ZNF469: variants seen among roughly 807,000 people sequenced by gnomAD.
The protein encoded by ZNF469 is zinc finger protein 469.
In ZNF469, 1 loss-of-function variant was observed where a neutral mutation model predicts 1.0. The ratio of observed to expected loss-of-function variants is 1.00; its 90% CI spans 0.35 to 4.73. ZNF469 has a LOEUF of 4.73. Ranked by LOEUF, ZNF469 falls within the 30% of genes most tolerant of loss-of-function variation. The pLI is 0.16. For missense variants in ZNF469, 6,100 were observed against 5,356.3 expected, an observed-to-expected ratio of 1.14 and a Z score of -4.33; for synonymous variants, 2,703 against 2,363.4, an observed-to-expected ratio of 1.14 and a Z score of -4.17.
chr16:88,410,736 AG>A (rs1905134982), intron 1 of ZNF469, among the ~76,000 whole-genome samples: 1 of 151,896 alleles, frequency 6.6e-6, no homozygotes, highest in Non-Finnish European at 1.5e-5. Context: ...TTGATGGTGC[AG>A]GTCACACAGT....
chr16:88,344,784 G>C, the ZNF469 span, among the ~76,000 whole-genome samples: 1 of 152,222 alleles, frequency 6.6e-6, no homozygotes, highest in Non-Finnish European at 1.5e-5. Flanking sequence ...CTATGGGTGT[G>C]TGCCCCGTGT....
Position 88,438,314 on chromosome 16 carries a change from G to A in ZNF469, c.10844G>A (p.Arg3615Lys), listed in dbSNP as rs990015550. Residue 3615 changes from arginine (R) to lysine (K), a missense_variant, in exon 3 of 3, where the codon AGG becomes AAG. Physicochemically the swap from Arg to Lys is conservative, Grantham distance 26. Transcript: ENST00000565624. Reference sequence around the variant, plus strand: ...AGAGGCCAAGATGCGGAGGGAAAGAGGGCTCCTCTCGTGTTCTCAGGGAAA... The same window carrying A: ...AGAGGCCAAGATGCGGAGGGAAAGAAGGCTCCTCTCGTGTTCTCAGGGAAA... ...GARGQDAEGK[R>K]APLVFSGKRR... is the part of the protein sequence containing the mutation. The A allele has an allele frequency of 1.3e-6, 2 of 1,549,928 alleles. No homozygotes were observed. Among genetic ancestry groups the A allele is most frequent in the Non-Finnish European group, 1.7e-6 (2 of 1,146,654 alleles).
chr16:88,336,024 GAC>G, the ZNF469 span, among the ~76,000 whole-genome samples: 1 of 151,754 alleles, frequency 6.6e-6, no homozygotes, highest in Admixed American at 6.6e-5. Context: ...CTTCATGTGA[GAC>G]AGTGATGCGC....
the ZNF469 span, among the ~76,000 whole-genome samples, chr16:88,245,869 C>T: frequency 0.028 from 4,214 of 149,832 alleles, no homozygotes; most frequent in African/African-American, 0.094. Context: ...GTGTGTGTCC[C>T]GGTGACAAAG....
chr16:88,333,880 T>TG, the ZNF469 span, among the ~76,000 whole-genome samples: 67 of 115,102 alleles, frequency 5.8e-4, no homozygotes, highest in South Asian at 2.1e-3. Context: ...GTGTGTGTGT[T>TG]TGTGTGTCTG....
At position 88,435,986 on chromosome 16, in the gene ZNF469, C is replaced by T. The variant is rs896205966; in HGVS notation, c.8516C>T (p.Pro2839Leu). 1.3e-6 allele frequency: 2 copies of T among 1,550,130 alleles called. No individual in the cohort carries two copies. The highest frequency in any genetic ancestry group is 2.7e-5 in the African/African-American group (2 of 73,192). ...GTCCAGGGGCCTGAAGGCCCCACTC[C>T]TGATGCCTCTGGCTCCAGTGCCAAG... ...GGVQGPEGPT[P>L]DASGSSAKDP... Residue 2839 changes from proline to leucine, a missense_variant, in exon 3 of 3, where the codon CCT becomes CTT. Coordinates refer to ENST00000565624, the MANE Select transcript of ZNF469 (RefSeq NM_001367624.2).
At chr16:88,358,113 T>A in the ZNF469 span, among the ~76,000 whole-genome samples, 1 of 152,170 alleles carries the variant, frequency 6.6e-6, no homozygotes, top group Non-Finnish European at 1.5e-5. Flanking sequence ...GTGGGCTGCT[T>A]GAGGTCCCAC....
the ZNF469 span, among the ~76,000 whole-genome samples, chr16:88,199,497 T>A: frequency 3.3e-5 from 5 of 152,104 alleles, no homozygotes; most frequent in Admixed American, 3.3e-4. Context: ...CTGAGGACTC[T>A]GCTCCCACCT....
the ZNF469 span, among the ~76,000 whole-genome samples, chr16:88,376,983 G>A: frequency 6.6e-6 from 1 of 152,236 alleles, no homozygotes; most frequent in Non-Finnish European, 1.5e-5. Flanking sequence ...TCATGCCGCC[G>A]GGAGGGCCAG....
chr16:88,427,337 C>T lies in ZNF469; in HGVS notation c.-126-8C>T. ...TCTGCCCCACTCACCCCTGACCTTT[C>T]CTTCCAGGCTCCACTCAGGACCATG... On this transcript the variant is annotated splice_polypyrimidine_tract_variant and splice_region_variant and intron_variant, in intron 2 of 2. Coordinates refer to ENST00000565624, the MANE Select transcript of ZNF469 (RefSeq NM_001367624.2). 1.0e-6 allele frequency: 1 copy of T among 992,268 alleles called. No individual in the cohort carries two copies. Among genetic ancestry groups the T allele is most frequent in the Non-Finnish European group, 1.4e-6 (1 of 708,520 alleles). 61.5% of individuals were successfully genotyped at this position (992,268 alleles called of 1,614,324 possible).
the ZNF469 span, among the ~76,000 whole-genome samples, chr16:88,291,047 G>T: frequency 2.0e-5 from 3 of 152,190 alleles, no homozygotes; most frequent in African/African-American, 4.8e-5. Context: ...GACTGGATGG[G>T]CTCCAGGTGT....
chr16:88,147,544 G>A, the ZNF469 span, among the ~76,000 whole-genome samples: 1 of 152,036 alleles, frequency 6.6e-6, no homozygotes, highest in African/African-American at 2.4e-5. Context: ...GCTGGGAGGA[G>A]AGGCCAGGCT....
chr16:88,139,640 T>C, the ZNF469 span, among the ~76,000 whole-genome samples: 12 of 127,986 alleles, frequency 9.4e-5, no homozygotes, highest in South Asian at 5.5e-4. Context: ...AACCTTTTTG[T>C]CCCCTGGCCT....
chr16:88,226,062 C>T, the ZNF469 span, among the ~76,000 whole-genome samples: 6 of 152,284 alleles, frequency 3.9e-5, no homozygotes, highest in East Asian at 3.9e-4. Context: ...ACAGTGGCCC[C>T]GCTGGTGTCT....
the ZNF469 span, among the ~76,000 whole-genome samples, chr16:88,246,724 A>C: frequency 6.6e-6 from 1 of 152,242 alleles, no homozygotes; most frequent in African/African-American, 2.4e-5. Context: ...AGCAAGGGCA[A>C]AGGTAAAGAG....
At chr16:88,249,920 A>T in the ZNF469 span, among the ~76,000 whole-genome samples, 2 of 152,302 alleles carry the variant, frequency 1.3e-5, no homozygotes, top group East Asian at 3.9e-4. Context: ...CCCCTGTGCC[A>T]AGTGCTCCTC....
chr16:88,316,508 G>A, the ZNF469 span, among the ~76,000 whole-genome samples: 3 of 148,430 alleles, frequency 2.0e-5, no homozygotes, highest in East Asian at 2.0e-4. Context: ...GCCAGTGTGC[G>A]TCAGCTTGGC....
chr16:88,113,029 T>C, the ZNF469 span, among the ~76,000 whole-genome samples: 18 of 152,168 alleles, frequency 1.2e-4, no homozygotes, highest in Middle Eastern at 3.4e-3. Context: ...CCACCCGCCT[T>C]GGCCTCCCAA....
At chr16:88,229,684 C>T in the ZNF469 span, among the ~76,000 whole-genome samples, 22 of 142,944 alleles carry the variant, frequency 1.5e-4, no homozygotes, top group South Asian at 4.5e-3. Context: ...TGTGCTGATG[C>T]CATACGTGTG....
Sources: gnomAD v4.1 joint callset for allele counts (sites outside exome capture counted in the v4.1 genomes callset) on GRCh38, gnomAD v4.1.1 for gene constraint, MANE v1.5 for transcripts, NCBI Gene and HGNC (gene_info 2026-07-23, HGNC 2026-07-21) for gene names.